Variants in ELAVL2 observed in about 807,000 individuals in gnomAD.
ELAVL2 encodes ELAV-like protein 2.
Under a neutral mutation model 34.6 loss-of-function variants are expected in ELAVL2, and 4 were observed. The observed-to-expected ratio is 0.12, with a 90% CI of 0.06 to 0.26. ELAVL2 has a LOEUF of 0.26. ELAVL2 is among the 10% of genes least tolerant of loss of function. The pLI is 1.00. For synonymous variants in ELAVL2, 193 were observed against 154.8 expected (o/e 1.25, Z -1.83); for missense variants, 432 against 442.8 (o/e 0.98, Z 0.22).
intron 1 of ELAVL2, among the ~76,000 whole-genome samples, chr9:23,770,643 C>G (rs2057135705): frequency 6.6e-6 from 1 of 152,076 alleles, no homozygotes; most frequent in Non-Finnish European, 1.5e-5. Flanking sequence ...TATAAGCAGC[C>G]TCTAGGAGCT....
chr9:23,823,912 A>T (rs117547119), intron 1 of ELAVL2, among the ~76,000 whole-genome samples: 1,789 of 152,290 alleles, frequency 0.012, 17 homozygotes, highest in Non-Finnish European at 0.019. Flanking sequence ...ATAAAACATT[A>T]ATCTCCCTCC....
chr9:23,700,179 C>A (rs575226788), intron 5 of ELAVL2, among the ~76,000 whole-genome samples: 1 of 152,110 alleles, frequency 6.6e-6, no homozygotes, highest in African/African-American at 2.4e-5. Context: ...TATTCTGTCC[C>A]ATGAATGAAA....
At chr9:23,744,508 G>A (rs989546627) in intron 2 of ELAVL2, among the ~76,000 whole-genome samples, 2 of 152,024 alleles carry the variant, frequency 1.3e-5, no homozygotes, top group African/African-American at 4.8e-5. Flanking sequence ...CTTTAAATAT[G>A]TATGCTGCCA....
chr9:23,779,288 C>T, intron 1 of ELAVL2: 2 of 985,380 alleles, frequency 2.0e-6, no homozygotes, highest in South Asian at 9.4e-5. Flanking sequence ...CCCATGAAAA[C>T]CTGCTTCACA....
chr9:23,822,708 A>G, intron 1 of ELAVL2, among the ~76,000 whole-genome samples: 1 of 152,350 alleles, frequency 6.6e-6, no homozygotes, highest in Non-Finnish European at 1.5e-5. Flanking sequence ...TTGCAAAGGC[A>G]TCGATTTTAG....
At chr9:23,701,648 G>A (rs1224313033) in intron 4 of ELAVL2, 44 bp from the exon 5 acceptor site, 10 of 1,590,468 alleles carry the variant, frequency 6.3e-6, no homozygotes, top group South Asian at 3.3e-5. Flanking sequence ...GGGAACAGAA[G>A]GAGAAGGGAA....
At chr9:23,815,204 GA>G (rs575012755) in intron 1 of ELAVL2, among the ~76,000 whole-genome samples, 21 of 151,972 alleles carry the variant, frequency 1.4e-4, no homozygotes, top group Non-Finnish European at 1.5e-4. Flanking sequence ...ATTTTTCACT[GA>G]AAAAAATATG....
intron 4 of ELAVL2, among the ~76,000 whole-genome samples, chr9:23,704,578 GAA>G (rs2038674149): frequency 6.6e-6 from 1 of 152,118 alleles, no homozygotes; most frequent in Non-Finnish European, 1.5e-5. Flanking sequence ...TTTGACAAAA[GAA>G]AGGTTGTTTA....
intron 1 of ELAVL2, among the ~76,000 whole-genome samples, chr9:23,786,235 G>T (rs1041997741): frequency 6.6e-6 from 1 of 152,032 alleles, no homozygotes; most frequent in African/African-American, 2.4e-5. Flanking sequence ...GGAAAGTCAA[G>T]GAGAACTTTA....
At chr9:23,728,023 G>A (rs2045653965) in intron 3 of ELAVL2, among the ~76,000 whole-genome samples, 2 of 152,062 alleles carry the variant, frequency 1.3e-5, no homozygotes, top group South Asian at 4.1e-4. Flanking sequence ...GTAAAGCACA[G>A]TGTCCTGGCA....
intron 1 of ELAVL2, among the ~76,000 whole-genome samples, chr9:23,801,500 G>C (rs2061562955): frequency 6.6e-6 from 1 of 152,128 alleles, no homozygotes; most frequent in Non-Finnish European, 1.5e-5. Flanking sequence ...TTTCAGACAA[G>C]TAAATTTCTT....
chr9:23,708,082 A>G (rs1269661260), intron 3 of ELAVL2, among the ~76,000 whole-genome samples: 11 of 151,996 alleles, frequency 7.2e-5, no homozygotes, highest in Non-Finnish European at 2.9e-5. Context: ...TTCAGTTTAT[A>G]TTGTATCTTT....
intron 1 of ELAVL2, among the ~76,000 whole-genome samples, chr9:23,763,749 C>G (rs1457074677): frequency 6.6e-6 from 1 of 152,064 alleles, no homozygotes; most frequent in Non-Finnish European, 1.5e-5. Flanking sequence ...TCAGACTGAA[C>G]AAGAATCAGT....
At chr9:23,726,640 T>C (rs1046542480) in intron 3 of ELAVL2, among the ~76,000 whole-genome samples, 1 of 152,078 alleles carries the variant, frequency 6.6e-6, no homozygotes, top group African/African-American at 2.4e-5. Context: ...CATTTCACTG[T>C]GTTATGTGAT....
chr9:23,708,076 G>C (rs2039894964), intron 3 of ELAVL2, among the ~76,000 whole-genome samples: 1 of 151,814 alleles, frequency 6.6e-6, no homozygotes, highest in Admixed American at 6.6e-5. Flanking sequence ...CCACTCTTCA[G>C]TTTATATTGT....
chr9:23,811,633 AAAAT>A (rs1232120067), intron 1 of ELAVL2, among the ~76,000 whole-genome samples: 1 of 152,240 alleles, frequency 6.6e-6, no homozygotes, highest in African/African-American at 2.4e-5. Context: ...GGTGTTTTGA[AAAAT>A]AAATGTTATA....
chr9:23,834,809 C>A, the ELAVL2 span, among the ~76,000 whole-genome samples: 1 of 152,008 alleles, frequency 6.6e-6, no homozygotes, highest in Non-Finnish European at 1.5e-5. Context: ...TTTCCCAATA[C>A]AATTTCATGA....
chr9:23,804,526 C>G (rs1451830288), intron 1 of ELAVL2, among the ~76,000 whole-genome samples: 1 of 151,976 alleles, frequency 6.6e-6, no homozygotes, highest in East Asian at 1.9e-4. Context: ...TTAACCAATC[C>G]CCTACTGATG....
intron 2 of ELAVL2, among the ~76,000 whole-genome samples, chr9:23,749,279 C>G (rs1468581700): frequency 6.6e-6 from 1 of 152,030 alleles, no homozygotes. Flanking sequence ...GATTAGTTAA[C>G]TAGTATAATA....
Sources: allele counts gnomAD v4.1 joint callset (sites outside exome capture counted in the v4.1 genomes callset), GRCh38; gene constraint gnomAD v4.1.1; transcripts MANE v1.5; gene names NCBI Gene and HGNC (gene_info 2026-07-23, HGNC 2026-07-21).